PLB1: variants seen among roughly 807,000 people sequenced by gnomAD.
PLB1 encodes phospholipase B1, also known as phospholipase B1, membrane-associated.
In PLB1, 242 loss-of-function variants were observed where a neutral mutation model predicts 227.4. The observed-to-expected ratio is 1.06, with a 90% confidence interval of 0.96 to 1.18. The LOEUF (loss-of-function observed/expected upper bound fraction) is 1.18. Ranked by LOEUF, PLB1 falls within the 50% of genes most tolerant of loss-of-function variation. The probability of loss-of-function intolerance (pLI) is 0.00; values close to 1 mark genes in which losing one functional copy is unlikely to be tolerated. For synonymous variants in PLB1, 757 were observed against 682.2 expected, an observed-to-expected ratio of 1.11 and a Z score of -1.71; for missense variants, 1,858 against 1,816.3, an observed-to-expected ratio of 1.02 and a Z score of -0.42.
intron 1 of PLB1, among the ~76,000 whole-genome samples, chr2:28,510,223 C>T (rs1668074697): frequency 6.6e-6 from 1 of 152,188 alleles, no homozygotes; most frequent in African/African-American, 2.4e-5. Context: ...CACGCAACTC[C>T]ATGGGGCAGG....
intron 34 of PLB1, 139 bp downstream of exon 34, chr2:28,598,187 G>A: frequency 1.4e-6 from 1 of 714,522 alleles, no homozygotes; most frequent in Non-Finnish European, 2.3e-6. Context: ...AGGAGGCTAT[G>A]AAAAAGCAGC....
At chr2:28,641,026 A>C (rs974060793) in intron 57 of PLB1, 25 bp downstream of exon 57, 4 of 1,606,518 alleles carry the variant, frequency 2.5e-6, no homozygotes, top group Admixed American at 3.4e-5. Context: ...TGCCTGCCCC[A>C]GGTGGAACAG....
intron 14 of PLB1, among the ~76,000 whole-genome samples, chr2:28,546,306 C>T (rs1300426536): frequency 1.4e-4 from 22 of 152,072 alleles, no homozygotes; most frequent in Non-Finnish European, 1.5e-5. Flanking sequence ...CTGGCCCTCT[C>T]AGCAATCACT....
chr2:28,637,759 G>A (rs1689538546), intron 56 of PLB1, among the ~76,000 whole-genome samples: 1 of 152,132 alleles, frequency 6.6e-6, no homozygotes, highest in African/African-American at 2.4e-5. Context: ...CTCCTGGATT[G>A]CCCTTCTCAC....
intron 20 of PLB1, 48 bp from the exon 21 acceptor site, chr2:28,573,149 G>A (rs1379680973): frequency 2.8e-6 from 4 of 1,446,922 alleles, no homozygotes; most frequent in Non-Finnish European, 3.9e-6. Context: ...GGAATTTGAA[G>A]ATTGCTTTGC....
Position 28,589,655 on chromosome 2 carries a change from T to G in PLB1, c.1921-20T>G, listed in dbSNP as rs374369538. ...TCCAGTGTGTCTATAACTGCCTCTC[T>G]TTTTCTGCCCGGTGACCAGGAAGGA... On this transcript the variant is annotated intron_variant, in intron 27 of 57. Transcript: ENST00000327757. The G allele has an allele frequency of 2.2e-5, 36 of 1,613,174 alleles. No individual in the cohort carries two copies. The highest frequency in any genetic ancestry group is 1.8e-4 in the East Asian group (8 of 44,886).
intron 16 of PLB1, among the ~76,000 whole-genome samples, chr2:28,551,355 A>G (rs1674223868): frequency 6.6e-6 from 1 of 152,218 alleles, no homozygotes; most frequent in South Asian, 2.1e-4. Context: ...CTCCTCTGGG[A>G]AAGCAAGGAA....
chr2:28,591,078 C>T, intron 29 of PLB1, 55 bp from the exon 30 acceptor site: 1 of 1,608,368 alleles, frequency 6.2e-7, no homozygotes, highest in Non-Finnish European at 8.5e-7. Context: ...TGAGTGCTGA[C>T]AAGCAGAGAA....
At chr2:28,570,367 A>G (rs1043621748) in intron 20 of PLB1, among the ~76,000 whole-genome samples, 2 of 152,254 alleles carry the variant, frequency 1.3e-5, no homozygotes, top group Admixed American at 6.5e-5. Context: ...TTAGTTTTCA[A>G]CCTCAAAATC....
At chr2:28,518,569 C>A in intron 3 of PLB1, 37 bp downstream of exon 3, 2 of 1,528,794 alleles carry the variant, frequency 1.3e-6, no homozygotes, top group Non-Finnish European at 1.8e-6. Flanking sequence ...AAAAGCCTGG[C>A]GTTTTCTCTC....
At chr2:28,580,135 A>G (rs1333576160) in intron 23 of PLB1, among the ~76,000 whole-genome samples, 7 of 152,216 alleles carry the variant, frequency 4.6e-5, no homozygotes, top group African/African-American at 1.7e-4. Context: ...GAGCCAAGTC[A>G]TTCTGGGCTG....
Position 28,527,995 on chromosome 2 carries a change from G to A in PLB1, c.326-1322G>A, listed in dbSNP as rs577345681. Among the ~76,000 whole-genome samples, 16 of 152,248 alleles carry A rather than the reference G, an allele frequency of 1.1e-4. No individual in the cohort carries two copies. The South Asian group carries it at 2.7e-3, about 26-fold the overall frequency. ...CTGAACCCAGCTCAGAACTTTCCCC[G>A]CTTTCCCACTACAGGTGGAAAAGTG... On this transcript the variant is annotated intron_variant, in intron 6 of 57. Coordinates refer to ENST00000327757, the MANE Select transcript of PLB1 (RefSeq NM_153021.5).
At chr2:28,608,459 T>C (rs1684987543) in intron 43 of PLB1, among the ~76,000 whole-genome samples, 1 of 152,244 alleles carries the variant, frequency 6.6e-6, no homozygotes, top group Admixed American at 6.5e-5. Flanking sequence ...GCTGTGAGCA[T>C]GAGCTTTCTC....
chr2:28,587,938 C>T (rs1159708037), intron 26 of PLB1, among the ~76,000 whole-genome samples: 4 of 152,092 alleles, frequency 2.6e-5, no homozygotes, highest in East Asian at 3.9e-4. Flanking sequence ...TGATCAACAT[C>T]GCCCTCCCAG....
rs372667932 is a variant in PLB1, at chr2:28,548,198, C to G, written c.937-662C>G. Among the ~76,000 whole-genome samples, 4 of 152,300 alleles carry G rather than the reference C, an allele frequency of 2.6e-5. No homozygotes were observed. In the South Asian group the frequency reaches 8.3e-4, roughly 32 times the overall value. ...CACTCAAAGCTGTGAAAGCAGTTCT[C>G]AGGGAACAGAGGGTTTCCATTCTCT... On this transcript the variant is annotated intron_variant, in intron 14 of 57. Transcript: ENST00000327757.
intron 31 of PLB1, 90 bp from the exon 32 acceptor site, chr2:28,592,571 G>C: frequency 1.6e-6 from 2 of 1,290,086 alleles, no homozygotes; most frequent in East Asian, 2.3e-5. Flanking sequence ...CATGCAGATT[G>C]TGTTTTGGAT....
At chr2:28,613,030 C>T (rs1280333659) in intron 43 of PLB1, among the ~76,000 whole-genome samples, 1 of 152,048 alleles carries the variant, frequency 6.6e-6, no homozygotes, top group Non-Finnish European at 1.5e-5. Context: ...AGCAATCCTT[C>T]TGCTTCAGCC....
chr2:28,548,927 C>G lies in PLB1; in HGVS notation c.1004C>G (p.Ser335Cys), dbSNP rs776563538. 9 of 1,613,904 alleles carry G rather than the reference C, an allele frequency of 5.6e-6. No individual in the cohort carries two copies. The East Asian group carries it at 1.3e-4, about 24-fold the overall frequency. ...VKHGRPMKCP[S>C]QESPYLFSYR... ...CACGGGAGGCCAATGAAGTGTCCCT[C>G]TCAGGTAGGAGGGACTGGGCAGAGG... is the stretch of plus-strand genomic sequence containing the variant. The change falls in exon 15 of 58, where the codon TCT becomes TGT. Residue 335 changes from serine (S) to cysteine (C), a missense_variant. Physicochemically the swap from Ser to Cys is moderately radical, Grantham distance 112. Transcript: ENST00000327757.
At chr2:28,594,457 C>T (rs59329456) in intron 33 of PLB1, 3,053 of 162,800 alleles carry the variant, frequency 0.019, 115 homozygotes, top group African/African-American at 0.07. Flanking sequence ...ACAACTAGAA[C>T]GAAGCTGGCC....
Sources: gnomAD v4.1 joint callset for allele counts (sites outside exome capture counted in the v4.1 genomes callset) on GRCh38, gnomAD v4.1.1 for gene constraint, MANE v1.5 for transcripts, NCBI Gene and HGNC (gene_info 2026-07-23, HGNC 2026-07-21) for gene names.